ZPBP: variants seen among roughly 807,000 people sequenced by gnomAD.
ZPBP encodes zona pellucida binding protein, also known as zona pellucida-binding protein 1.
ZPBP carries 26 observed loss-of-function variants against 44.8 expected under a neutral mutation model. The ratio of observed to expected loss-of-function variants is 0.58; its 90% confidence interval spans 0.43 to 0.81. The LOEUF (loss-of-function observed/expected upper bound fraction) is 0.81. Ranked by LOEUF, ZPBP falls within the 30% of genes least tolerant of loss-of-function variation. ZPBP has a pLI of 0.00. For synonymous variants in ZPBP, 174 were observed against 153.2 expected (o/e 1.14, Z -1.00); for missense variants, 409 against 434.0 (o/e 0.94, Z 0.51).
chr7:49,852,600 A>C (rs147085538), intron 2 of ZPBP, among the ~76,000 whole-genome samples: 251 of 151,914 alleles, frequency 1.7e-3, no homozygotes, highest in Middle Eastern at 6.8e-3. Context: ...CTTTTTGAGA[A>C]GTGATGTTTG....
intron 7 of ZPBP, among the ~76,000 whole-genome samples, chr7:49,968,561 T>C (rs1664045794): frequency 6.6e-6 from 1 of 152,042 alleles, no homozygotes; most frequent in East Asian, 1.9e-4. Flanking sequence ...TTAAACTAGA[T>C]CTCTCATAAA....
intron 1 of ZPBP, 73 bp downstream of exon 1, chr7:50,092,995 G>GA (rs1562624750): frequency 6.4e-7 from 1 of 1,550,668 alleles, no homozygotes; most frequent in Admixed American, 2.0e-5. Context: ...CGTGACACAA[G>GA]AAAAGGCAAT....
chr7:49,963,027 A>C (rs1795917814), intron 7 of ZPBP, among the ~76,000 whole-genome samples: 1 of 151,746 alleles, frequency 6.6e-6, no homozygotes, highest in African/African-American at 2.4e-5. Context: ...ACTAAAAAAA[A>C]ACCTGATAAA....
intron 1 of ZPBP, chr7:49,918,599 C>T (rs1793847160): frequency 6.6e-6 from 1 of 152,126 alleles, no homozygotes; most frequent in Non-Finnish European, 1.5e-5. Context: ...CAAAATATAA[C>T]CAAATATTGT....
At chr7:50,072,303 T>A (rs1801879869) in intron 3 of ZPBP, among the ~76,000 whole-genome samples, 1 of 152,162 alleles carries the variant, frequency 6.6e-6, no homozygotes, top group African/African-American at 2.4e-5. Context: ...AAGGAGTGTG[T>A]CTTTTGCTTT....
chr7:50,045,792 G>C (rs186621330), intron 4 of ZPBP, among the ~76,000 whole-genome samples: 7 of 149,082 alleles, frequency 4.7e-5, no homozygotes, highest in Admixed American at 4.7e-4. Context: ...ACTAGAAAAA[G>C]CTACTTTAAA....
intron 2 of ZPBP, among the ~76,000 whole-genome samples, chr7:49,893,097 TTC>T (rs1792214330): frequency 6.6e-6 from 1 of 152,240 alleles, no homozygotes; most frequent in Non-Finnish European, 1.5e-5. Context: ...GACATATTAT[TTC>T]TGTTTCCTGA....
At chr7:49,993,882 C>T (rs1043353229) in intron 6 of ZPBP, among the ~76,000 whole-genome samples, 3 of 152,132 alleles carry the variant, frequency 2.0e-5, no homozygotes, top group African/African-American at 7.2e-5. Flanking sequence ...AGGAGAAAGG[C>T]TGATAGTATC....
intron 1 of ZPBP, among the ~76,000 whole-genome samples, chr7:49,909,467 C>A (rs1793286587): frequency 6.6e-6 from 1 of 152,118 alleles, no homozygotes; most frequent in Non-Finnish European, 1.5e-5. Flanking sequence ...GCAAGGGAGG[C>A]AGCAAACTGT....
At chr7:50,037,797 G>C (rs1285421381) in intron 4 of ZPBP, among the ~76,000 whole-genome samples, 1 of 152,116 alleles carries the variant, frequency 6.6e-6, no homozygotes, top group Admixed American at 6.6e-5. Context: ...CTCAAGGAGA[G>C]AGACACTCCA....
chr7:49,981,377 TATA>T (rs1562819351), intron 7 of ZPBP, among the ~76,000 whole-genome samples: 1 of 1,454 alleles, frequency 6.9e-4, no homozygotes, highest in African/African-American at 3.3e-3. Flanking sequence ...TTATATATAT[TATA>T]TATAATTATA....
chr7:50,036,480 T>TA lies in ZPBP; in HGVS notation c.488-5171dup, dbSNP rs34158973. Reference sequence around the variant, plus strand: ...ATATGTTTAATTAGCATTCCAGAAATAAAAAATTGTCAGAAGGAGGCTTTG... The same window carrying TA: ...ATATGTTTAATTAGCATTCCAGAAATAAAAAAATTGTCAGAAGGAGGCTTTG... On this transcript the variant is annotated intron_variant, in intron 4 of 7. Transcript: ENST00000046087. 6.8e-3 allele frequency among the ~76,000 whole-genome samples: 1,027 copies of TA among 152,090 alleles called. 11 individuals carry two copies. Among genetic ancestry groups the TA allele is most frequent in the Middle Eastern group, 0.01 (3 of 294 alleles).
downstream of ZPBP, among the ~76,000 whole-genome samples, chr7:49,848,789 A>G (rs1350418421): frequency 2.0e-5 from 3 of 152,336 alleles, no homozygotes; most frequent in East Asian, 5.8e-4. Flanking sequence ...TTTGGCCCTT[A>G]AATTATTTTT....
At chr7:50,045,465 A>G (rs1800305190) in intron 4 of ZPBP, among the ~76,000 whole-genome samples, 1 of 152,212 alleles carries the variant, frequency 6.6e-6, no homozygotes, top group Non-Finnish European at 1.5e-5. Flanking sequence ...CAAGATACAA[A>G]ATCAATGTGC....
intron 5 of ZPBP, among the ~76,000 whole-genome samples, chr7:50,024,590 G>C (rs1205220129): frequency 1.3e-5 from 2 of 151,770 alleles, no homozygotes; most frequent in Admixed American, 6.6e-5. Flanking sequence ...GAAAAATACA[G>C]AATGATCTCA....
chr7:50,041,181 C>T (rs12539060), intron 4 of ZPBP, among the ~76,000 whole-genome samples: 2,473 of 152,270 alleles, frequency 0.016, 38 homozygotes, highest in Middle Eastern at 0.065. Flanking sequence ...GATAAAATTC[C>T]CATCTCCCTG....
intron 1 of ZPBP, among the ~76,000 whole-genome samples, chr7:50,092,632 C>A (rs1803049877): frequency 6.6e-6 from 1 of 152,166 alleles, no homozygotes; most frequent in Non-Finnish European, 1.5e-5. Context: ...ACTTTAAAAT[C>A]GCATTATTTC....
chr7:49,998,793 T>A (rs552391045), intron 6 of ZPBP, among the ~76,000 whole-genome samples: 1 of 152,214 alleles, frequency 6.6e-6, no homozygotes, highest in East Asian at 1.9e-4. Flanking sequence ...AAACTTACTC[T>A]TAAAATTCTG....
At chr7:50,020,259 C>CT (rs1238068260) in intron 5 of ZPBP, among the ~76,000 whole-genome samples, 1 of 152,036 alleles carries the variant, frequency 6.6e-6, no homozygotes, top group East Asian at 1.9e-4. Flanking sequence ...AATTTTCTTA[C>CT]TTTTGAATCT....
Sources: gnomAD v4.1 joint callset for allele counts (sites outside exome capture counted in the v4.1 genomes callset) on GRCh38, gnomAD v4.1.1 for gene constraint, MANE v1.5 for transcripts, NCBI Gene and HGNC (gene_info 2026-07-23, HGNC 2026-07-21) for gene names.